The following MARCHF1 variants were observed in gnomAD, a reference collection of about 807,000 sequenced individuals.
MARCHF1 encodes membrane associated ring-CH-type finger 1.
MARCHF1 carries 40 observed loss-of-function variants against 54.2 expected under a neutral mutation model. That is an observed-to-expected ratio of 0.74 (90% CI 0.57 to 0.96). The LOEUF is 0.96. Among genes scored for constraint, MARCHF1 ranks in the 40% least tolerant of loss-of-function variants. The pLI is 0.00. For missense variants in MARCHF1, 586 were observed against 656.5 expected, an observed-to-expected ratio of 0.89 and a Z score of 1.17; for synonymous variants, 236 against 236.3, an observed-to-expected ratio of 1.00 and a Z score of 0.01.
chr4:164,360,759 C>T (rs1030849689), intron 1 of MARCHF1, among the ~76,000 whole-genome samples: 4 of 152,036 alleles, frequency 2.6e-5, no homozygotes. Context: ...ACTTCTATTG[C>T]AATTGTCATT....
At chr4:164,316,941 C>A (rs1460081420) in intron 1 of MARCHF1, among the ~76,000 whole-genome samples, 1 of 152,178 alleles carries the variant, frequency 6.6e-6, no homozygotes, top group East Asian at 1.9e-4. Context: ...GAGTCCTCCC[C>A]AGAAGCAGAT....
At chr4:164,217,465 G>A (rs192011323) in intron 1 of MARCHF1, among the ~76,000 whole-genome samples, 46 of 152,266 alleles carry the variant, frequency 3.0e-4, no homozygotes, top group Non-Finnish European at 4.4e-5. Flanking sequence ...TTTGGGAAAT[G>A]TACCTGTTAG....
chr4:164,185,273 T>G lies in MARCHF1; in HGVS notation c.-322-73611A>C, dbSNP rs1007146198. Among the ~76,000 whole-genome samples, 61 of 152,338 alleles carry G rather than the reference T, an allele frequency of 4.0e-4. 1 individual carries two copies. Among genetic ancestry groups the G allele is most frequent in the African/African-American group, 1.4e-3 (60 of 41,596 alleles). On this transcript the variant is annotated intron_variant, in intron 1 of 9. Transcript: ENST00000514618. ...TTTAGCTAAGACTCTAATACTAATA[T>G]TTTCAGATAAACATTGTAACACACA...
intron 1 of MARCHF1, among the ~76,000 whole-genome samples, chr4:164,242,417 C>T (rs1170396192): frequency 6.9e-6 from 1 of 144,910 alleles, no homozygotes; most frequent in Non-Finnish European, 1.5e-5. Flanking sequence ...AGCTGAGGGT[C>T]CTGTCTGTTA....
At chr4:163,548,625 A>G (rs966709620) in intron 8 of MARCHF1, among the ~76,000 whole-genome samples, 9 of 152,238 alleles carry the variant, frequency 5.9e-5, no homozygotes, top group African/African-American at 2.2e-4. Context: ...CCTTACAGGA[A>G]CCATTTAGAA....
chr4:163,761,443 T>C (rs971559270), intron 4 of MARCHF1, among the ~76,000 whole-genome samples: 1 of 152,176 alleles, frequency 6.6e-6, no homozygotes, highest in Middle Eastern at 3.2e-3. Flanking sequence ...GGCATTGGTG[T>C]CCTGTAGAAG....
chr4:164,060,132 C>G (rs1026345650), intron 2 of MARCHF1, among the ~76,000 whole-genome samples: 9 of 151,986 alleles, frequency 5.9e-5, no homozygotes, highest in Non-Finnish European at 1.0e-4. Context: ...TTGTTTTGTA[C>G]AAGCAAATGA....
intron 1 of MARCHF1, among the ~76,000 whole-genome samples, chr4:164,225,297 T>C (rs985820242): frequency 1.3e-5 from 2 of 152,016 alleles, no homozygotes; most frequent in African/African-American, 4.8e-5. Flanking sequence ...ATGTTTTTTA[T>C]AAAAAAACTT....
intron 1 of MARCHF1, among the ~76,000 whole-genome samples, chr4:164,142,370 G>A (rs1414968207): frequency 2.6e-5 from 4 of 152,112 alleles, no homozygotes; most frequent in African/African-American, 9.7e-5. Flanking sequence ...CTGGGGGCAG[G>A]GCACAGACAA....
chr4:164,002,960 T>C (rs764085783), intron 2 of MARCHF1, among the ~76,000 whole-genome samples: 3 of 151,876 alleles, frequency 2.0e-5, no homozygotes, highest in Non-Finnish European at 2.9e-5. Context: ...AAATTAACTA[T>C]ATTAACACAC....
rs181941472 is a variant in MARCHF1, at chr4:163,778,930, A to G, written c.111+75091T>C. On this transcript the variant is annotated intron_variant, in intron 4 of 9. Transcript: ENST00000514618. ...GAGTAAAAGCCCTGACTCCACCACT[A>G]TGAAATTTGTGCAAGCAACGAAATT... Among the ~76,000 whole-genome samples, 26 of 152,290 alleles carry G rather than the reference A, an allele frequency of 1.7e-4. No individual in the cohort carries two copies. The East Asian group carries it at 3.5e-3, about 20-fold the overall frequency.
intron 1 of MARCHF1, among the ~76,000 whole-genome samples, chr4:164,138,555 G>T (rs1285605486): frequency 6.6e-6 from 1 of 152,178 alleles, no homozygotes; most frequent in African/African-American, 2.4e-5. Flanking sequence ...ACCAAATGGG[G>T]ATATGCTAGG....
At chr4:164,145,464 C>T (rs1043920749) in intron 1 of MARCHF1, among the ~76,000 whole-genome samples, 1 of 151,938 alleles carries the variant, frequency 6.6e-6, no homozygotes, top group Admixed American at 6.6e-5. Flanking sequence ...CATCAAAAAG[C>T]TTATCCACCA....
rs561909705 is a variant in MARCHF1 at position 164,092,977 on chromosome 4, G to A, written c.-248+18611C>T. Among the ~76,000 whole-genome samples, 10 of 152,166 alleles carry A rather than the reference G, an allele frequency of 6.6e-5. No homozygotes were observed. In the South Asian group the frequency reaches 2.1e-3, roughly 32 times the overall value. ...ACAGAATTTAAAACCCTCTGTAAAT[G>A]GGCTTTACACTCCACAAGTAAAGAA... On this transcript the variant is annotated intron_variant, in intron 2 of 9. Coordinates refer to ENST00000514618, the MANE Select transcript of MARCHF1 (RefSeq NM_001394959.1).
At chr4:163,717,145 C>G (rs200380207) in intron 4 of MARCHF1, among the ~76,000 whole-genome samples, 1 of 107,760 alleles carries the variant, frequency 9.3e-6, no homozygotes, top group South Asian at 4.1e-4. Context: ...ATCCCTCCCC[C>G]CTCCCCCCAC....
intron 5 of MARCHF1, among the ~76,000 whole-genome samples, chr4:163,618,397 TC>T (rs1249028749): frequency 6.6e-6 from 1 of 152,172 alleles, no homozygotes; most frequent in African/African-American, 2.4e-5. Flanking sequence ...GGATGGATGT[TC>T]TAGCCTCTTC....
chr4:164,004,493 C>T (rs1274973207), intron 2 of MARCHF1, among the ~76,000 whole-genome samples: 1 of 151,834 alleles, frequency 6.6e-6, no homozygotes, highest in African/African-American at 2.4e-5. Context: ...TAAGGATAAC[C>T]TATAACAACA....
chr4:164,163,757 G>C (rs143750846), intron 1 of MARCHF1, among the ~76,000 whole-genome samples: 26 of 151,996 alleles, frequency 1.7e-4, no homozygotes, highest in Admixed American at 3.3e-4. Flanking sequence ...GACATTTATA[G>C]AGTATTCCAC....
rs557802575 is a variant in MARCHF1 at position 163,629,584 on chromosome 4, T to C, written c.163-16191A>G. The stretch of plus-strand genomic sequence containing the variant: ...GATCTAATTAAACTAAAAGAGCCTC[T>C]GCACAGCAAAAGAAACTATCATCAG... On this transcript the variant is annotated intron_variant, in intron 5 of 9. Transcript: ENST00000514618. 1.6e-4 allele frequency among the ~76,000 whole-genome samples: 24 copies of C among 152,300 alleles called. No individual in the cohort carries two copies. In the South Asian group the frequency reaches 4.6e-3, roughly 29 times the overall value.
Sources: gnomAD v4.1 joint callset for allele counts (sites outside exome capture counted in the v4.1 genomes callset) on GRCh38, gnomAD v4.1.1 for gene constraint, MANE v1.5 for transcripts, NCBI Gene and HGNC (gene_info 2026-07-23, HGNC 2026-07-21) for gene names.